The following PTPRD variants were observed in gnomAD, a reference collection of about 807,000 sequenced individuals.
The protein encoded by PTPRD is receptor-type tyrosine-protein phosphatase delta.
PTPRD carries 34 observed loss-of-function variants against 214.5 expected under a neutral mutation model. That is an observed-to-expected ratio of 0.16 (90% CI 0.12 to 0.21). The LOEUF (loss-of-function observed/expected upper bound fraction) is 0.21. Ranked by LOEUF, PTPRD falls within the 10% of genes least tolerant of loss-of-function variation. PTPRD has a pLI of 1.00. For synonymous variants in PTPRD, 1,128 were observed against 845.7 expected (o/e 1.33, Z -5.79); for missense variants, 2,545 against 2,398.7 (o/e 1.06, Z -1.27).
At chr9:9,366,842 A>T (rs1284130522) in intron 9 of PTPRD, among the ~76,000 whole-genome samples, 1 of 151,054 alleles carries the variant, frequency 6.6e-6, no homozygotes, top group Non-Finnish European at 1.5e-5. Context: ...ACATTAAGGT[A>T]AAAAAAAGGT....
chr9:9,843,169 C>T (rs528205844), intron 5 of PTPRD, among the ~76,000 whole-genome samples: 1 of 152,080 alleles, frequency 6.6e-6, no homozygotes, highest in South Asian at 2.1e-4. Flanking sequence ...ATATTTATTC[C>T]CTAGGCATTT....
At chr9:10,150,490 A>G (rs146909916) in intron 3 of PTPRD, among the ~76,000 whole-genome samples, 66 of 152,130 alleles carry the variant, frequency 4.3e-4, no homozygotes, top group African/African-American at 1.5e-3. Context: ...GGTGGGGAAC[A>G]TCACATACCG....
intron 12 of PTPRD, among the ~76,000 whole-genome samples, chr9:8,661,659 T>C (rs1186050055): frequency 1.3e-5 from 2 of 151,918 alleles, no homozygotes; most frequent in Non-Finnish European, 2.9e-5. Flanking sequence ...TCAGCAATTA[T>C]ATTCTACTAT....
At chr9:8,863,247 G>A (rs1412532224) in intron 11 of PTPRD, among the ~76,000 whole-genome samples, 3 of 151,994 alleles carry the variant, frequency 2.0e-5, no homozygotes, top group African/African-American at 7.3e-5. Flanking sequence ...ATGCGACTGT[G>A]ACAATACTGG....
rs192841902 is a variant in PTPRD, at chr9:9,166,844, A to G, written c.-143+16460T>C. On this transcript the variant is annotated intron_variant, in intron 10 of 45. Coordinates refer to ENST00000381196, the MANE Select transcript of PTPRD (RefSeq NM_002839.4). ...AACTCCAAAAAAAGACAACCTACCT[A>G]TAGTTGTAAGAGGTTTAAGACTACC... 2.8e-4 allele frequency among the ~76,000 whole-genome samples: 43 copies of G among 152,300 alleles called. No individual in the cohort carries two copies. In the East Asian group the frequency reaches 7.9e-3, roughly 28 times the overall value.
At chr9:9,565,045 A>T (rs1172299891) in intron 8 of PTPRD, among the ~76,000 whole-genome samples, 1 of 151,644 alleles carries the variant, frequency 6.6e-6, no homozygotes, top group African/African-American at 2.4e-5. Context: ...CCTGATAACT[A>T]ACTTAATCTT....
chr9:9,263,567 G>A (rs561957356), intron 9 of PTPRD, among the ~76,000 whole-genome samples: 2 of 151,684 alleles, frequency 1.3e-5, no homozygotes, highest in East Asian at 3.9e-4. Flanking sequence ...TACTTAGTAT[G>A]GTGCCTGAAT....
At chr9:8,736,841 T>C (rs1266924057) in intron 11 of PTPRD, among the ~76,000 whole-genome samples, 1 of 152,094 alleles carries the variant, frequency 6.6e-6, no homozygotes, top group Non-Finnish European at 1.5e-5. Context: ...ATCAAGCAGT[T>C]CACAGCTATC....
intron 5 of PTPRD, among the ~76,000 whole-genome samples, chr9:9,890,748 G>A (rs139720718): frequency 2.4e-3 from 370 of 151,988 alleles, no homozygotes; most frequent in African/African-American, 8.3e-3. Context: ...ACCATCAATC[G>A]GAAGGGGTGT....
intron 2 of PTPRD, among the ~76,000 whole-genome samples, chr9:10,393,688 A>G (rs934376740): frequency 6.8e-6 from 1 of 147,192 alleles, no homozygotes; most frequent in Non-Finnish European, 1.5e-5. Flanking sequence ...GGGTCTTGCT[A>G]TATATATATA....
chr9:8,427,516 C>T (rs7853248), intron 35 of PTPRD, among the ~76,000 whole-genome samples: 7 of 151,980 alleles, frequency 4.6e-5, no homozygotes, highest in Admixed American at 3.3e-4. Context: ...AACAGCATAC[C>T]GAGAGGCCAG....
At chr9:8,652,635 T>C (rs1417800938) in intron 12 of PTPRD, among the ~76,000 whole-genome samples, 1 of 152,216 alleles carries the variant, frequency 6.6e-6, no homozygotes, top group Admixed American at 6.5e-5. Context: ...AATACTGTTA[T>C]AAATACTAGG....
intron 8 of PTPRD, among the ~76,000 whole-genome samples, chr9:9,481,195 A>T (rs2095398267): frequency 6.6e-6 from 1 of 152,102 alleles, no homozygotes; most frequent in Non-Finnish European, 1.5e-5. Context: ...TAAGGAAAAT[A>T]ATGAGATATT....
chr9:8,687,669 AT>A (rs1293929561), intron 12 of PTPRD, among the ~76,000 whole-genome samples: 1 of 152,190 alleles, frequency 6.6e-6, no homozygotes, highest in East Asian at 1.9e-4. Context: ...CAAAGCAAAT[AT>A]GTGGAATGGA....
intron 5 of PTPRD, among the ~76,000 whole-genome samples, chr9:9,903,983 C>G (rs1044317929): frequency 1.3e-5 from 2 of 152,100 alleles, no homozygotes; most frequent in African/African-American, 4.8e-5. Flanking sequence ...TGGGTCAAAG[C>G]CCCTGCTTCA....
intron 11 of PTPRD, among the ~76,000 whole-genome samples, chr9:8,891,082 G>C (rs1404784970): frequency 6.6e-6 from 1 of 151,188 alleles, no homozygotes; most frequent in African/African-American, 2.4e-5. Flanking sequence ...CCCTGTATTT[G>C]AACAGATGGG....
chr9:10,557,766 A>T (rs1404599293), intron 2 of PTPRD, among the ~76,000 whole-genome samples: 1 of 152,194 alleles, frequency 6.6e-6, no homozygotes, highest in Non-Finnish European at 1.5e-5. Context: ...GGGAAGGGCT[A>T]AGGAGGTCAT....
At chr9:10,184,357 A>G (rs1222607176) in intron 3 of PTPRD, among the ~76,000 whole-genome samples, 1 of 152,102 alleles carries the variant, frequency 6.6e-6, no homozygotes, top group Non-Finnish European at 1.5e-5. Context: ...CCCGGGAGGC[A>G]GAGGTTGCAA....
intron 11 of PTPRD, among the ~76,000 whole-genome samples, chr9:8,842,337 AT>A (rs34247834): frequency 0.82 from 124,876 of 152,054 alleles, 51,799 homozygotes; most frequent in African/African-American, 0.94. Context: ...TCAGCAACAT[AT>A]TTTTTTTCTG....
Sources: allele counts gnomAD v4.1 joint callset (sites outside exome capture counted in the v4.1 genomes callset), GRCh38; gene constraint gnomAD v4.1.1; transcripts MANE v1.5; gene names NCBI Gene and HGNC (gene_info 2026-07-23, HGNC 2026-07-21).